STAMBPL1: variants seen among roughly 807,000 people sequenced by gnomAD.
The protein encoded by STAMBPL1 is STAM binding protein like 1, also known as AMSH-like protease.
STAMBPL1 carries 44 observed loss-of-function variants against 52.9 expected under a neutral mutation model. The ratio of observed to expected loss-of-function variants is 0.83; its 90% CI spans 0.65 to 1.07. The LOEUF is 1.07. Ranked by LOEUF, STAMBPL1 falls within the 50% of genes least tolerant of loss-of-function variation. STAMBPL1 has a pLI of 0.00. For synonymous variants in STAMBPL1, 164 were observed against 177.3 expected (o/e 0.92, Z 0.60); for missense variants, 511 against 520.8 (o/e 0.98, Z 0.18).
chr10:88,923,000 T>G (rs903400549), intron 10 of STAMBPL1, among the ~76,000 whole-genome samples, 168 bp from the exon 11 acceptor site: 1 of 152,176 alleles, frequency 6.6e-6, no homozygotes, highest in Non-Finnish European at 1.5e-5. Context: ...ATATTTTTGT[T>G]GTTGTTGAAA....
At chr10:88,892,347 CGTGTGCGT>C (rs1844707563) in intron 1 of STAMBPL1, among the ~76,000 whole-genome samples, 2 of 113,386 alleles carry the variant, frequency 1.8e-5, no homozygotes, top group African/African-American at 3.7e-5. Context: ...TGTGTGTGTG[CGTGTGCGT>C]GTGTGTGTGT....
chr10:88,897,316 C>A (rs905838284), intron 1 of STAMBPL1, among the ~76,000 whole-genome samples: 1 of 152,114 alleles, frequency 6.6e-6, no homozygotes, highest in Non-Finnish European at 1.5e-5. Flanking sequence ...ATGGTTCTGA[C>A]ACCATGATTC....
intron 9 of STAMBPL1, among the ~76,000 whole-genome samples, chr10:88,922,127 C>T (rs1845527791): frequency 6.6e-6 from 1 of 152,096 alleles, no homozygotes; most frequent in Non-Finnish European, 1.5e-5. Flanking sequence ...CTTAACGGTC[C>T]TGCAGGCTCT....
chr10:88,922,411 A>G lies in STAMBPL1; in HGVS notation c.1229A>G (p.His410Arg). Residue 410 changes from histidine to arginine, a missense_variant, in exon 10 of 11, where the codon CAC (histidine) becomes CGC (arginine). Coordinates refer to ENST00000371926, the MANE Select transcript of STAMBPL1 (RefSeq NM_020799.4). ...SACKKKGFHP[H>R]TKEPRLFSIC... is the part of the protein sequence containing the mutation. ...TGTAAAAAAAAGGGCTTTCATCCAC[A>G]CACCAAGGAGCCCAGGCTGTTCAGT... The G allele has an allele frequency of 1.2e-6, 2 of 1,613,488 alleles. No individual in the cohort carries two copies. Among genetic ancestry groups the G allele is most frequent in the Non-Finnish European group, 1.7e-6 (2 of 1,179,670 alleles).
At chr10:88,914,684 A>G (rs990192938) in intron 7 of STAMBPL1, 26 bp downstream of exon 7, 1 of 1,001,450 alleles carries the variant, frequency 1.0e-6, no homozygotes, top group Non-Finnish European at 1.3e-6. Flanking sequence ...ATAAATATAT[A>G]TATATATATA....
Position 88,922,389 on chromosome 10 carries a change from A to G in STAMBPL1, c.1207A>G (p.Lys403Glu), listed in dbSNP as rs748859238. ...TGGCATGCTTGAGGTTTCTGCTTGT[A>G]AAAAAAAGGGCTTTCATCCACACAC... ...NAGMLEVSAC[K>E]KKGFHPHTKE... Residue 403 changes from lysine (K) to glutamate (E), a missense_variant, in exon 10 of 11, where the codon AAA (lysine) becomes GAA (glutamate). This residue lies in a region of STAMBPL1 where 137 missense variants were observed against 139.9 expected (regional missense o/e 0.98). Coordinates refer to ENST00000371926, the MANE Select transcript of STAMBPL1 (RefSeq NM_020799.4). 4 of 1,611,394 alleles carry G rather than the reference A, an allele frequency of 2.5e-6. No homozygotes were observed. The highest frequency in any genetic ancestry group is 2.5e-6 in the Non-Finnish European group (3 of 1,178,514).
At chr10:88,905,969 A>T (rs1398540459) in intron 3 of STAMBPL1, among the ~76,000 whole-genome samples, 1 of 152,046 alleles carries the variant, frequency 6.6e-6, no homozygotes, top group Non-Finnish European at 1.5e-5. Context: ...TTTTCATGCG[A>T]TTTTCCCCGA....
chr10:88,917,829 G>T (rs1441738), intron 8 of STAMBPL1, among the ~76,000 whole-genome samples: 28,641 of 151,956 alleles, frequency 0.19, 2,920 homozygotes, highest in African/African-American at 0.26. Flanking sequence ...TTGGAGACTG[G>T]AAAGTCCAAG....
chr10:88,909,861 A>G (rs1400396098), intron 4 of STAMBPL1, among the ~76,000 whole-genome samples: 1 of 152,170 alleles, frequency 6.6e-6, no homozygotes, highest in African/African-American at 2.4e-5. Flanking sequence ...TCTGCCTCCC[A>G]AAGTGTTAGG....
Position 88,921,317 on chromosome 10 carries a change from T to A in STAMBPL1, c.1076T>A (p.Val359Asp). The change falls in exon 9 of 11, where the codon GTT becomes GAT. Residue 359 changes from valine (V) to aspartate (D), a missense_variant. This residue lies in a region of STAMBPL1 where 137 missense variants were observed against 139.9 expected (regional missense o/e 0.98). Coordinates refer to ENST00000371926, the MANE Select transcript of STAMBPL1 (RefSeq NM_020799.4). ...HPTQTAFLSS[V>D]DLHTHCSYQL... is the part of the protein sequence containing the mutation. ...ACTCAAACTGCATTTTTATCCAGCG[T>A]TGATCTTCACACTCACTGTTCCTAT... 2 of 1,613,388 alleles carry A rather than the reference T, an allele frequency of 1.2e-6. No individual in the cohort carries two copies. The highest frequency in any genetic ancestry group is 1.7e-6 in the Non-Finnish European group (2 of 1,179,516).
rs770919620 is a variant in STAMBPL1 at position 88,923,256 on chromosome 10, GAC to G, written c.*35_*36del. On this transcript the variant is annotated 3_prime_UTR_variant, in exon 11 of 11. Coordinates refer to ENST00000371926, the MANE Select transcript of STAMBPL1 (RefSeq NM_020799.4). Reference sequence around the variant, plus strand: ...CTGAATGTAAGCACCGTCAACATCAGACACCTACTCATGGACATGTGGTTGCC... The same window carrying G: ...CTGAATGTAAGCACCGTCAACATCAGACCTACTCATGGACATGTGGTTGCC... The G allele has an allele frequency of 1.5e-5, 24 of 1,573,782 alleles. No homozygotes were observed. In the Admixed American group the frequency reaches 3.4e-4, roughly 23 times the overall value.
Position 88,905,590 on chromosome 10 carries a change from A to G in STAMBPL1, c.178A>G (p.Arg60Gly). 6.2e-7 allele frequency: 1 copy of G among 1,614,172 alleles called. No individual in the cohort carries two copies. The change falls in exon 3 of 11, where the codon AGG becomes GGG. Residue 60 changes from arginine to glycine, a missense_variant. This residue lies in a region of STAMBPL1 where 358 missense variants were observed against 343.5 expected (regional missense o/e 1.04). Coordinates refer to ENST00000371926, the MANE Select transcript of STAMBPL1 (RefSeq NM_020799.4). Reference sequence around the variant, plus strand: ...CTTTAGGTCTGGAGTAGAGATGGAGAGGATGGCGTCTGTGTATTTGGAAGA... The same window carrying G: ...CTTTAGGTCTGGAGTAGAGATGGAGGGGATGGCGTCTGTGTATTTGGAAGA... ...RYFRSGVEME[R>G]MASVYLEEGN...
intron 1 of STAMBPL1, among the ~76,000 whole-genome samples, chr10:88,892,348 G>A (rs1001984298): frequency 4.4e-4 from 47 of 106,670 alleles, no homozygotes; most frequent in Non-Finnish European, 4.0e-4. Flanking sequence ...GTGTGTGTGC[G>A]TGTGCGTGTG....
intron 4 of STAMBPL1, among the ~76,000 whole-genome samples, chr10:88,909,740 A>C (rs1845168438): frequency 6.6e-6 from 1 of 152,138 alleles, no homozygotes; most frequent in Non-Finnish European, 1.5e-5. Context: ...AGCTGGGATT[A>C]CAGGCACCTG....
chr10:88,910,148 A>G (rs982904527), intron 4 of STAMBPL1, among the ~76,000 whole-genome samples: 5 of 152,212 alleles, frequency 3.3e-5, no homozygotes, highest in African/African-American at 1.2e-4. Flanking sequence ...ATATATGAAT[A>G]AATACATAAA....
In STAMBPL1 at chr10:88,895,685, CA is replaced by C. The variant is rs1844793896; in HGVS notation, c.-53-5970del. Reference sequence around the variant, plus strand: ...CTATTTAATAGATGAAGATAAGGTGCACAAAAAGGTTAAATAAGCTGCTGTA... The same window carrying C: ...CTATTTAATAGATGAAGATAAGGTGCCAAAAAGGTTAAATAAGCTGCTGTA... On this transcript the variant is annotated intron_variant, in intron 1 of 10. Coordinates refer to ENST00000371926, the MANE Select transcript of STAMBPL1 (RefSeq NM_020799.4). Among the ~76,000 whole-genome samples the C allele has an allele frequency of 3.3e-5, 5 of 152,284 alleles. No homozygotes were observed. The South Asian group carries it at 1.0e-3, about 32-fold the overall frequency.
intron 1 of STAMBPL1, among the ~76,000 whole-genome samples, chr10:88,900,338 A>G (rs952162375): frequency 3.9e-5 from 6 of 152,208 alleles, no homozygotes; most frequent in Admixed American, 6.5e-5. Context: ...TAAGTGATGA[A>G]TGGGGTATAA....
chr10:88,917,384 G>A (rs913895001), intron 8 of STAMBPL1, among the ~76,000 whole-genome samples: 4 of 152,066 alleles, frequency 2.6e-5, no homozygotes, highest in African/African-American at 4.8e-5. Context: ...AAGAGGATAG[G>A]GCCCAAAACA....
chr10:88,886,084 A>G (rs186143777), intron 1 of STAMBPL1, among the ~76,000 whole-genome samples: 1 of 152,348 alleles, frequency 6.6e-6, no homozygotes, highest in Admixed American at 6.5e-5. Flanking sequence ...AACAAAATAA[A>G]CAATTTTTTA....
Sources: allele counts gnomAD v4.1 joint callset (sites outside exome capture counted in the v4.1 genomes callset), GRCh38; gene constraint gnomAD v4.1.1; regional missense constraint gnomAD v4.1.1; transcripts MANE v1.5; gene names NCBI Gene and HGNC (gene_info 2026-07-23, HGNC 2026-07-21).